DNAH10: variants seen among roughly 807,000 people sequenced by gnomAD.
The protein encoded by DNAH10 is axonemal beta dynein heavy chain 10.
A neutral mutation model predicts 506.6 loss-of-function variants in DNAH10; 348 were observed. That is an observed-to-expected ratio of 0.69 (90% CI 0.63 to 0.75). The LOEUF is 0.75. DNAH10 is among the 30% of genes least tolerant of loss of function. DNAH10 has a pLI of 0.00. For missense variants in DNAH10, 5,179 were observed against 5,787.1 expected, an observed-to-expected ratio of 0.89 and a Z score of 3.41; for synonymous variants, 2,059 against 2,198.6, an observed-to-expected ratio of 0.94 and a Z score of 1.78.
chr12:123,825,842 G>A (rs535770215), intron 24 of DNAH10, among the ~76,000 whole-genome samples: 1 of 152,298 alleles, frequency 6.6e-6, no homozygotes, highest in South Asian at 2.1e-4. Flanking sequence ...AGAAAAACAG[G>A]CCAGGTGTGG....
Position 123,817,188 on chromosome 12 carries a change from CTTTTG to C in DNAH10, c.3781-1749_3781-1745del, listed in dbSNP as rs567667002. Among the ~76,000 whole-genome samples, 12 of 113,170 alleles carry C rather than the reference CTTTTG, an allele frequency of 1.1e-4. 1 individual carries two copies. The South Asian group carries it at 1.8e-3, about 17-fold the overall frequency. 74.2% of individuals were successfully genotyped at this position (113,170 alleles called of 152,430 possible). ...AGTTGTAATATGATGTAACTAGGTT[CTTTTG>C]TTTTGTTTTGTTCTTCTTTTTTTTT... On this transcript the variant is annotated intron_variant, in intron 21 of 78. Coordinates refer to ENST00000673944, the MANE Select transcript of DNAH10 (RefSeq NM_001372106.1).
chr12:123,788,819 A>T (rs775190172), intron 10 of DNAH10, among the ~76,000 whole-genome samples: 22 of 146,748 alleles, frequency 1.5e-4, no homozygotes, highest in Non-Finnish European at 2.5e-4. Context: ...CCAGCCACTC[A>T]GAAGGCTGAG....
chr12:123,873,199 C>A (rs566601203), intron 45 of DNAH10, among the ~76,000 whole-genome samples: 1 of 152,334 alleles, frequency 6.6e-6, no homozygotes, highest in East Asian at 1.9e-4. Flanking sequence ...TAAGAGATGC[C>A]ATTACGATCG....
chr12:123,820,463 T>A, intron 23 of DNAH10, 117 bp from the exon 24 acceptor site: 8 of 1,045,574 alleles, frequency 7.7e-6, no homozygotes, highest in Non-Finnish European at 8.2e-6. Flanking sequence ...AAATTTGTCT[T>A]CCCGTGTGGT....
In DNAH10 at chr12:123,814,638, G is replaced by A. The variant is rs562215819; in HGVS notation, c.3780+726G>A. On this transcript the variant is annotated intron_variant, in intron 21 of 78. Coordinates refer to ENST00000673944, the MANE Select transcript of DNAH10 (RefSeq NM_001372106.1). ...TTTTTTTTTTTTTTTTTTTTGAGAC[G>A]GAGTCTCGCTCTGTCGCCCAGGCTG... 7.5e-4 allele frequency among the ~76,000 whole-genome samples: 97 copies of A among 129,638 alleles called. 2 individuals are homozygous for A. In the South Asian group the frequency reaches 0.013, roughly 17 times the overall value. 85.0% of individuals were successfully genotyped at this position (129,638 alleles called of 152,430 possible).
chr12:123,778,961 G>A (rs903250520), intron 5 of DNAH10, among the ~76,000 whole-genome samples: 32 of 150,814 alleles, frequency 2.1e-4, no homozygotes, highest in African/African-American at 7.5e-4. Flanking sequence ...GTGTAGTAGT[G>A]CGATCTCAGC....
chr12:123,764,554 C>T (rs1446692262), intron 1 of DNAH10, among the ~76,000 whole-genome samples: 2 of 152,174 alleles, frequency 1.3e-5, no homozygotes, highest in Non-Finnish European at 2.9e-5. Context: ...CAGAAGCCCT[C>T]CAAGGGCCTC....
At chr12:123,856,116 T>TTTTATGTATATTTATAAA (rs1951378580) in intron 36 of DNAH10, among the ~76,000 whole-genome samples, 1 of 147,310 alleles carries the variant, frequency 6.8e-6, no homozygotes, top group East Asian at 1.9e-4. Flanking sequence ...ATACATAACA[T>TTTTATGTATATTTATAAA]TTTATATACA....
chr12:123,775,362 G>T (rs10846554), intron 5 of DNAH10, among the ~76,000 whole-genome samples: 80,116 of 151,984 alleles, frequency 0.53, 22,434 homozygotes, highest in East Asian at 0.94. Flanking sequence ...GCCCGCCTTG[G>T]CCTCCCAAAG....
Position 123,860,893 on chromosome 12 carries a change from G to A in DNAH10, c.6750-119G>A, listed in dbSNP as rs536175089. ...GAAGCCCAGTGAAGAGTTTGCATGGGTTGCATTTTCAATTTTGGATTAAAG... is the reference window on the plus strand; with the variant it reads ...GAAGCCCAGTGAAGAGTTTGCATGGATTGCATTTTCAATTTTGGATTAAAG... On this transcript the variant is annotated intron_variant, in intron 38 of 78. Coordinates refer to ENST00000673944, the MANE Select transcript of DNAH10 (RefSeq NM_001372106.1). The A allele has an allele frequency of 3.0e-6, 4 of 1,329,566 alleles. No individual in the cohort carries two copies. In the East Asian group the frequency reaches 9.5e-5, roughly 32 times the overall value. 82.4% of individuals were successfully genotyped at this position (1,329,566 alleles called of 1,614,324 possible).
intron 1 of DNAH10, among the ~76,000 whole-genome samples, chr12:123,765,573 T>TATCTATCTATC (rs1236683027): frequency 6.7e-6 from 1 of 148,288 alleles, no homozygotes; most frequent in East Asian, 1.9e-4. Flanking sequence ...TTTATCTATC[T>TATCTATCTATC]ATCTATCTAT....
In DNAH10 at chr12:123,859,112, A is replaced by G. The variant is rs148640947; in HGVS notation, c.6631-38A>G. On this transcript the variant is annotated intron_variant, in intron 37 of 78. Coordinates refer to ENST00000673944, the MANE Select transcript of DNAH10 (RefSeq NM_001372106.1). ...GCAATAAAACTGCGTCAGAAAAAAG[A>G]TAATGTTTTAGCCCAGCTGCCATTG... The G allele has an allele frequency of 1.4e-3, 2,222 of 1,556,940 alleles. 22 individuals carry two copies. The African/African-American group carries it at 0.026, about 18-fold the overall frequency.
intron 28 of DNAH10, among the ~76,000 whole-genome samples, chr12:123,836,985 G>A (rs1192010327): frequency 1.3e-5 from 2 of 150,798 alleles, no homozygotes; most frequent in African/African-American, 4.9e-5. Flanking sequence ...CCGAGTAGCT[G>A]GGACTACAGG....
At chr12:123,922,813 G>T (rs1040796288) in intron 65 of DNAH10, 1 of 152,184 alleles carries the variant, frequency 6.6e-6, no homozygotes, top group Non-Finnish European at 1.5e-5. Flanking sequence ...CACCAGTGAG[G>T]TTGGACTGGG....
rs770327307 is a variant in DNAH10, at chr12:123,903,053, T to C, written c.9755T>C (p.Ile3252Thr). Residue 3252 changes from isoleucine to threonine, a missense_variant, in exon 57 of 79, where the codon ATC becomes ACC. Ile to Thr is a moderately conservative substitution (Grantham distance 89, BLOSUM62 -1). Transcript: ENST00000673944. This position sits in a 1 kb window ranked among gnomAD's most constrained non-coding sequence, Gnocchi z 4.6. Reference sequence around the variant, plus strand: ...ACGACCCTGGCAGAGGTCATGCCCATCCTGGAGGCCGCCAAGCTGGAACTG... The same window carrying C: ...ACGACCCTGGCAGAGGTCATGCCCACCCTGGAGGCCGCCAAGCTGGAACTG... ...AETTLAEVMP[I>T]LEAAKLELQK... 13 of 1,610,946 alleles carry C rather than the reference T, an allele frequency of 8.1e-6. 1 individual carries two copies. In the South Asian group the frequency reaches 1.0e-4, roughly 12 times the overall value.
Position 123,918,810 on chromosome 12 carries a change from G to A in DNAH10, c.11367G>A (p.Met3789Ile). The change falls in exon 65 of 79, where the codon ATG becomes ATA. Residue 3789 changes from methionine (M) to isoleucine (I), a missense_variant. This residue lies in a region of DNAH10 where 4,844 missense variants were observed against 5,430.5 expected (regional missense o/e 0.89). Transcript: ENST00000673944. ...VLSEMALVNS[M>I]YQYSLIAFLE... is the part of the protein sequence containing the mutation. ...CTGAGATGGCCCTGGTGAACTCCATGTACCAGTACTCCCTGATTGCCTTCT... is the reference window on the plus strand; with the variant it reads ...CTGAGATGGCCCTGGTGAACTCCATATACCAGTACTCCCTGATTGCCTTCT... 2 of 1,613,938 alleles carry A rather than the reference G, an allele frequency of 1.2e-6. No homozygotes were observed. The highest frequency in any genetic ancestry group is 2.7e-5 in the African/African-American group (2 of 75,038).
At position 123,803,700 on chromosome 12, in the gene DNAH10, G is replaced by A. The variant is rs201161096; in HGVS notation, c.2654G>A (p.Gly885Glu). The change falls in exon 17 of 79, where the codon GGG becomes GAG. Residue 885 changes from glycine to glutamate, a missense_variant. By Grantham distance (98) the Gly-to-Glu change is moderately conservative (BLOSUM62 -2). This residue lies in a region of DNAH10 where 4,844 missense variants were observed against 5,430.5 expected (regional missense o/e 0.89). Transcript: ENST00000673944. ...ATAACTGGTTGCAAACAGGCCATTG[G>A]GAAATTTGAGTCTCTCGTCCACCAG... ...DYITGCKQAI[G>E]KFESLVHQIH... The A allele has an allele frequency of 6.2e-7, 1 of 1,608,192 alleles. No individual in the cohort carries two copies. The highest frequency in any genetic ancestry group is 1.3e-5 in the African/African-American group (1 of 74,462).
rs547908094 is a variant in DNAH10 at position 123,837,268 on chromosome 12, C to T, written c.4903-1188C>T. Among the ~76,000 whole-genome samples the T allele has an allele frequency of 6.0e-5, 9 of 150,600 alleles. No homozygotes were observed. The South Asian group carries it at 1.7e-3, about 28-fold the overall frequency. ...CTGAGGTGGGAGGATCGCTTGAACC[C>T]AGGAGGTGAAGGTTGCAGTGAACTG... On this transcript the variant is annotated intron_variant, in intron 28 of 78. Coordinates refer to ENST00000673944, the MANE Select transcript of DNAH10 (RefSeq NM_001372106.1).
chr12:123,882,657 G>A (rs1027013262), intron 51 of DNAH10, among the ~76,000 whole-genome samples: 2 of 151,942 alleles, frequency 1.3e-5, no homozygotes, highest in African/African-American at 4.8e-5. Flanking sequence ...TCCAGGCATG[G>A]TGGCACGCAC....
Sources: gnomAD v4.1 joint callset for allele counts (sites outside exome capture counted in the v4.1 genomes callset) on GRCh38, gnomAD v4.1.1 for gene constraint, gnomAD v4.1.1 regional missense constraint, Gnocchi (gnomAD v3.1) non-coding constraint, MANE v1.5 for transcripts, NCBI Gene and HGNC (gene_info 2026-07-23, HGNC 2026-07-21) for gene names.